The following ATPAF1 variants were observed in gnomAD, a reference collection of about 807,000 sequenced individuals.
ATPAF1 encodes the protein homolog of yeast ATP11.
In ATPAF1, 26 loss-of-function variants were observed where a neutral mutation model predicts 43.9. The observed-to-expected ratio is 0.59, with a 90% CI of 0.43 to 0.82. ATPAF1 has a LOEUF of 0.82. Ranked by LOEUF, ATPAF1 falls within the 40% of genes least tolerant of loss-of-function variation. The probability of loss-of-function intolerance (pLI) is 0.00; values close to 1 mark genes in which losing one functional copy is unlikely to be tolerated. For synonymous variants in ATPAF1, 157 were observed against 168.0 expected (o/e 0.93, Z 0.50); for missense variants, 366 against 435.0 (o/e 0.84, Z 1.41).
Position 46,649,634 on chromosome 1 carries a change from A to G in ATPAF1, c.588+2947T>C, listed in dbSNP as rs1480392969. On this transcript the variant is annotated intron_variant, in intron 6 of 8. Transcript: ENST00000574428. ...TTAGGAGAGAACTGATACCTTAACA[A>G]TAACAAAGCCTAGGCACAGTGGCTC... Among the ~76,000 whole-genome samples the G allele has an allele frequency of 2.0e-5, 3 of 152,088 alleles. No homozygotes were observed. In the East Asian group the frequency reaches 5.8e-4, roughly 29 times the overall value.
chr1:46,653,871 T>C lies in ATPAF1; in HGVS notation c.490-4A>G. On this transcript the variant is annotated splice_polypyrimidine_tract_variant and splice_region_variant and intron_variant, in intron 4 of 8. Transcript: ENST00000574428. This position sits in a 1 kb window ranked among gnomAD's most constrained non-coding sequence, Gnocchi z 4.8. The stretch of plus-strand genomic sequence containing the variant: ...CTGCAAAATATTGCTGCCAAATCTG[T>C]ACAAAAAAGAGAGGGGTGTCTGTGA... 3 of 1,609,974 alleles carry C rather than the reference T, an allele frequency of 1.9e-6. No homozygotes were observed. The highest frequency in any genetic ancestry group is 1.1e-5 in the South Asian group (1 of 90,018).
At chr1:46,666,876 G>C (rs1166941223) in intron 1 of ATPAF1, among the ~76,000 whole-genome samples, 1 of 152,234 alleles carries the variant, frequency 6.6e-6, no homozygotes, top group Non-Finnish European at 1.5e-5. Flanking sequence ...ATTTGTTCAT[G>C]AGTGGGTAAG....
rs371729171 is a variant in ATPAF1 at position 46,635,980 on chromosome 1, A to G, written c.793-10T>C. 29 of 1,613,532 alleles carry G rather than the reference A, an allele frequency of 1.8e-5. No homozygotes were observed. The highest frequency in any genetic ancestry group is 2.3e-5 in the Non-Finnish European group (27 of 1,179,830). Reference sequence around the variant, plus strand: ...GTGCCTCAGCAACATTCTGTAAGGTAAAAAGAATAATGAGGTCCTTTCTTG... The same window carrying G: ...GTGCCTCAGCAACATTCTGTAAGGTGAAAAGAATAATGAGGTCCTTTCTTG... On this transcript the variant is annotated splice_polypyrimidine_tract_variant and intron_variant, in intron 8 of 8. Transcript: ENST00000574428.
rs1449705325 is a variant in ATPAF1 at position 46,668,080 on chromosome 1, G to T, written c.243C>A (p.Arg81=). The change falls in exon 1 of 9, where the codon CGC becomes CGA. Residue 81 remains arginine, a synonymous_variant. Transcript: ENST00000574428. The surrounding 1 kb of genome is among the most constrained non-coding windows in gnomAD (Gnocchi z 4.4). The stretch of plus-strand genomic sequence containing the variant: ...ACCTGCGCAGCAGCTGGATCTTGTC[G>T]CGGTAGCGGTCGTAGAAAGGGTTGG... 1 of 1,447,248 alleles carries T rather than the reference G, an allele frequency of 6.9e-7. No homozygotes were observed. The highest frequency in any genetic ancestry group is 9.1e-7 in the Non-Finnish European group (1 of 1,097,446). 89.7% of individuals were successfully genotyped at this position (1,447,248 alleles called of 1,614,324 possible). A position where few individuals can be genotyped will look rare whatever the true frequency, so the allele number is the denominator to read the frequency against.
chr1:46,657,982 A>T, intron 4 of ATPAF1, 145 bp downstream of exon 4: 1 of 785,304 alleles, frequency 1.3e-6, no homozygotes, highest in Non-Finnish European at 2.1e-6. Flanking sequence ...TTCTTATGAC[A>T]TTGTTCTTCA....
intron 2 of ATPAF1, among the ~76,000 whole-genome samples, chr1:46,663,017 G>C (rs1676421988): frequency 1.3e-5 from 2 of 152,124 alleles, no homozygotes; most frequent in African/African-American, 4.8e-5. Flanking sequence ...CCACCCATGA[G>C]TGAGAACATG....
At chr1:46,646,831 C>T (rs1676052923) in intron 6 of ATPAF1, among the ~76,000 whole-genome samples, 1 of 152,076 alleles carries the variant, frequency 6.6e-6, no homozygotes, top group South Asian at 2.1e-4. Flanking sequence ...TTTTCTTTGC[C>T]CTTTGAAGTT....
At chr1:46,649,754 G>T (rs1196549399) in intron 6 of ATPAF1, among the ~76,000 whole-genome samples, 1 of 151,746 alleles carries the variant, frequency 6.6e-6, no homozygotes. Context: ...GTGAGATCTT[G>T]TCTCTACTAA....
intron 6 of ATPAF1, among the ~76,000 whole-genome samples, chr1:46,650,199 A>G (rs1357483602): frequency 1.3e-5 from 2 of 152,058 alleles, no homozygotes; most frequent in Non-Finnish European, 2.9e-5. Context: ...CTGTGAAGAA[A>G]ACTGCCAATA....
chr1:46,659,118 G>A (rs1676334965), intron 2 of ATPAF1, among the ~76,000 whole-genome samples: 1 of 152,120 alleles, frequency 6.6e-6, no homozygotes, highest in Non-Finnish European at 1.5e-5. Flanking sequence ...TTGAACCCAG[G>A]AGGCGGAGGA....
exon 9 of ATPAF1, chr1:46,635,942 T>G (rs756317833): frequency 2.5e-6 from 4 of 1,614,262 alleles, no homozygotes; most frequent in Non-Finnish European, 3.4e-6. Context: ...CTGAACTTGG[T>G]TGGCGATGCA....
chr1:46,649,260 A>G (rs1314585818), intron 6 of ATPAF1, among the ~76,000 whole-genome samples: 1 of 151,332 alleles, frequency 6.6e-6, no homozygotes, highest in Non-Finnish European at 1.5e-5. Flanking sequence ...TGTGCATGAT[A>G]TTCAATTGTT....
At position 46,668,021 on chromosome 1, in the gene ATPAF1, GC is replaced by G; in HGVS notation, c.266+35del. 3 of 1,328,254 alleles carry G rather than the reference GC, an allele frequency of 2.3e-6. No homozygotes were observed. Among genetic ancestry groups the G allele is most frequent in the Non-Finnish European group, 2.9e-6 (3 of 1,041,600 alleles). 82.3% of individuals were successfully genotyped at this position (1,328,254 alleles called of 1,614,324 possible). On this transcript the variant is annotated intron_variant, in intron 1 of 8. Coordinates refer to ENST00000574428, the Ensembl canonical transcript of ATPAF1. The surrounding 1 kb of genome is among the most constrained non-coding windows in gnomAD (Gnocchi z 4.4). The stretch of plus-strand genomic sequence containing the variant: ...AGCAGCCCGGGCCGCCCCTCCTCCC[GC>G]CTCCTGCCCGCCTCCAGCCAACCCA...
chr1:46,665,314 C>T (rs370214084), exon 2 of ATPAF1: 77 of 1,614,110 alleles, frequency 4.8e-5, no homozygotes, highest in Admixed American at 6.7e-5. Context: ...TGGCTGCTTC[C>T]GAAATTCACT....
chr1:46,635,432 T>C (rs1293134904), exon 9 of ATPAF1: 1 of 227,710 alleles, frequency 4.4e-6, no homozygotes, highest in Admixed American at 5.0e-5. Context: ...AACTCATCAT[T>C]TGGGAGCTAT....
At position 46,668,156 on chromosome 1, in the gene ATPAF1, G is replaced by T; in HGVS notation, c.167C>A (p.Pro56His). The T allele has an allele frequency of 7.1e-7, 1 of 1,402,814 alleles. No individual in the cohort carries two copies. Among genetic ancestry groups the T allele is most frequent in the Admixed American group, 3.2e-5 (1 of 31,698 alleles). 86.9% of individuals were successfully genotyped at this position (1,402,814 alleles called of 1,614,324 possible). Residue 56 changes from proline to histidine, a missense_variant, in exon 1 of 9, where the codon CCC (proline) becomes CAC (histidine). Transcript: ENST00000574428. The surrounding 1 kb of genome is among the most constrained non-coding windows in gnomAD (Gnocchi z 4.4). ...CCCGCTGCTGTCGGCGCCCCCCTCG[G>T]GCCGGCCCGAGCCGGGGCGCACTGG...
chr1:46,633,383 C>T (rs1675784632), downstream of ATPAF1: 1 of 204,704 alleles, frequency 4.9e-6, no homozygotes, highest in Non-Finnish European at 9.8e-6. Flanking sequence ...CACAATAATC[C>T]TATGAGGTAG....
intron 2 of ATPAF1, among the ~76,000 whole-genome samples, chr1:46,662,190 G>A (rs1043429582): frequency 4.6e-5 from 7 of 152,098 alleles, no homozygotes; most frequent in African/African-American, 7.2e-5. Context: ...CACCACGCCC[G>A]GCCTCATAAA....
Position 46,635,758 on chromosome 1 carries a change from G to A in ATPAF1, c.*18C>T, listed in dbSNP as rs776025305. On this transcript the variant is annotated 3_prime_UTR_variant, in exon 9 of 9. Coordinates refer to ENST00000574428, the Ensembl canonical transcript of ATPAF1. ...TCGAGGGCTGAGTCAACTAGGTGAA[G>A]GGCCAACCTGTACAGTTCTAAGTCT... The A allele has an allele frequency of 1.9e-6, 3 of 1,602,458 alleles. No individual in the cohort carries two copies. The South Asian group carries it at 3.3e-5, about 18-fold the overall frequency.
Sources: gnomAD v4.1 joint callset for allele counts (sites outside exome capture counted in the v4.1 genomes callset) on GRCh38, gnomAD v4.1.1 for gene constraint, Gnocchi (gnomAD v3.1) non-coding constraint, MANE v1.5 for transcripts, NCBI Gene and HGNC (gene_info 2026-07-23, HGNC 2026-07-21) for gene names.